Variants in RAD51B observed in about 807,000 individuals in gnomAD.
RAD51B encodes the protein RAD51 paralog B.
RAD51B carries 38 observed loss-of-function variants against 42.2 expected under a neutral mutation model. The observed-to-expected ratio is 0.90, with a 90% CI of 0.70 to 1.18. RAD51B has a LOEUF of 1.18. Ranked by LOEUF, RAD51B falls within the 50% of genes most tolerant of loss-of-function variation. The pLI is 0.00. For synonymous variants in RAD51B, 154 were observed against 145.2 expected, an observed-to-expected ratio of 1.06 and a Z score of -0.43; for missense variants, 373 against 400.7, an observed-to-expected ratio of 0.93 and a Z score of 0.59.
chr14:68,130,628 C>G (rs1174337189), intron 7 of RAD51B, among the ~76,000 whole-genome samples: 5 of 152,214 alleles, frequency 3.3e-5, no homozygotes, highest in African/African-American at 9.6e-5. Context: ...CCAATCTCCT[C>G]TCTTTTTTTG....
chr14:68,483,448 C>G (rs1280865535), intron 10 of RAD51B, among the ~76,000 whole-genome samples: 1 of 152,128 alleles, frequency 6.6e-6, no homozygotes, highest in African/African-American at 2.4e-5. Flanking sequence ...GGGTACTTTT[C>G]CCCTAGAGCT....
intron 7 of RAD51B, among the ~76,000 whole-genome samples, chr14:68,271,267 T>C (rs767726809): frequency 6.6e-6 from 1 of 150,968 alleles, no homozygotes; most frequent in Non-Finnish European, 1.5e-5. Flanking sequence ...CAGTGCTTGG[T>C]GCATAGTAAG....
chr14:68,329,340 C>T (rs2082304221), intron 8 of RAD51B, among the ~76,000 whole-genome samples: 1 of 152,164 alleles, frequency 6.6e-6, no homozygotes. Context: ...CACTCTGTCA[C>T]TTATAACCCA....
intron 10 of RAD51B, among the ~76,000 whole-genome samples, chr14:68,609,425 G>C (rs1891583628): frequency 6.6e-6 from 1 of 152,016 alleles, no homozygotes; most frequent in Non-Finnish European, 1.5e-5. Flanking sequence ...CAGGGCCCCT[G>C]GAGTCTCCTC....
intron 7 of RAD51B, among the ~76,000 whole-genome samples, chr14:68,077,058 T>C (rs912373001): frequency 1.3e-5 from 2 of 152,172 alleles, no homozygotes; most frequent in Non-Finnish European, 2.9e-5. Context: ...CAATCATCTG[T>C]AGCCAAAGGA....
chr14:68,581,409 T>C (rs1411468978), intron 10 of RAD51B, among the ~76,000 whole-genome samples: 1 of 152,166 alleles, frequency 6.6e-6, no homozygotes, highest in Non-Finnish European at 1.5e-5. Flanking sequence ...GCTGTGATGC[T>C]CAGGAGGTTA....
chr14:68,169,597 AT>A (rs1482465696), intron 7 of RAD51B, among the ~76,000 whole-genome samples: 3 of 152,162 alleles, frequency 2.0e-5, no homozygotes, highest in African/African-American at 7.2e-5. Context: ...CCAGTCTGAT[AT>A]CTTGTATCAC....
intron 7 of RAD51B, among the ~76,000 whole-genome samples, chr14:68,221,403 C>T (rs578002150): frequency 2.0e-5 from 3 of 152,074 alleles, no homozygotes; most frequent in Non-Finnish European, 4.4e-5. Context: ...TACAGCCAAC[C>T]GATCTTTGAC....
chr14:67,962,523 C>T (rs532396223), intron 7 of RAD51B, among the ~76,000 whole-genome samples: 2 of 152,244 alleles, frequency 1.3e-5, no homozygotes, highest in South Asian at 4.1e-4. Flanking sequence ...GACTTCACAA[C>T]AATGTGCAAT....
chr14:68,606,769 T>G (rs987640101), intron 10 of RAD51B, among the ~76,000 whole-genome samples: 5 of 152,232 alleles, frequency 3.3e-5, no homozygotes, highest in African/African-American at 9.6e-5. Context: ...TGTTATTAAC[T>G]GAGTCGGAAC....
At chr14:68,675,769 G>T (rs112321769) in intron 11 of RAD51B, among the ~76,000 whole-genome samples, 3 of 152,314 alleles carry the variant, frequency 2.0e-5, no homozygotes, top group African/African-American at 7.2e-5. Context: ...CTCCGAGAGG[G>T]TTAGCCCAGG....
At chr14:67,986,345 T>A (rs1358218484) in intron 7 of RAD51B, among the ~76,000 whole-genome samples, 16 of 152,214 alleles carry the variant, frequency 1.1e-4, no homozygotes, top group Admixed American at 1.0e-3. Flanking sequence ...TGCCAGAGAA[T>A]ACCATGGTAA....
chr14:68,212,546 T>A (rs1281190952), intron 7 of RAD51B, among the ~76,000 whole-genome samples: 1 of 152,178 alleles, frequency 6.6e-6, no homozygotes, highest in African/African-American at 2.4e-5. Flanking sequence ...CTGGGGACTT[T>A]CCATTGGAAC....
rs147572777 is a variant in RAD51B at position 68,287,706 on chromosome 14, AT to A, written c.757-4175del. 2.4e-3 allele frequency among the ~76,000 whole-genome samples: 364 copies of A among 152,298 alleles called. 1 individual carries two copies. The highest frequency in any genetic ancestry group is 8.4e-3 in the African/African-American group (349 of 41,546). ...AACATATTGACAGCAAATATTTGTT[AT>A]TTGTCAGTAGTGGCCTATATGCTGT... On this transcript the variant is annotated intron_variant, in intron 7 of 10. Transcript: ENST00000471583.
intron 8 of RAD51B, among the ~76,000 whole-genome samples, chr14:68,345,794 G>A (rs1018770593): frequency 6.6e-6 from 1 of 152,136 alleles, no homozygotes; most frequent in Non-Finnish European, 1.5e-5. Context: ...CCAAGGAGCT[G>A]GGATTACAGG....
chr14:67,974,552 C>T lies in RAD51B; in HGVS notation c.756+87348C>T, dbSNP rs137990652. ...GATATGATAAAGGTTTGAATAAATT[C>T]AAAGCTTTTTCTTTTGTCATAAGGA... On this transcript the variant is annotated intron_variant, in intron 7 of 10. Transcript: ENST00000471583. Among the ~76,000 whole-genome samples, 1,250 of 152,002 alleles carry T rather than the reference C, an allele frequency of 8.2e-3. 17 individuals carry two copies. The highest frequency in any genetic ancestry group is 0.029 in the African/African-American group (1,189 of 41,492).
chr14:68,059,106 T>A (rs1208701083), intron 7 of RAD51B, among the ~76,000 whole-genome samples: 1 of 152,174 alleles, frequency 6.6e-6, no homozygotes, highest in Non-Finnish European at 1.5e-5. Flanking sequence ...AATCAGTCCC[T>A]TTCTTTTGTC....
At chr14:68,666,147 GTCAC>G (rs1893029140) in intron 11 of RAD51B, among the ~76,000 whole-genome samples, 1 of 152,046 alleles carries the variant, frequency 6.6e-6, no homozygotes, top group African/African-American at 2.4e-5. Flanking sequence ...AGATTTTTCT[GTCAC>G]ATGAAACCTG....
chr14:68,573,649 C>T (rs1889820486), intron 10 of RAD51B, among the ~76,000 whole-genome samples: 2 of 152,214 alleles, frequency 1.3e-5, no homozygotes, highest in Admixed American at 1.3e-4. Context: ...AGGGCAGCAC[C>T]CTTGACCACT....
Sources: allele counts gnomAD v4.1 joint callset (sites outside exome capture counted in the v4.1 genomes callset), GRCh38; gene constraint gnomAD v4.1.1; transcripts MANE v1.5; gene names NCBI Gene and HGNC (gene_info 2026-07-23, HGNC 2026-07-21).